The following LRRC4C variants were observed in gnomAD, a reference collection of about 807,000 sequenced individuals.
LRRC4C encodes the protein leucine rich repeat containing 4C.
A neutral mutation model predicts 33.6 loss-of-function variants in LRRC4C; 5 were observed. The observed-to-expected ratio is 0.15, with a 90% CI of 0.08 to 0.31. LRRC4C has a LOEUF of 0.31. Ranked by LOEUF, LRRC4C falls within the 10% of genes least tolerant of loss-of-function variation. The probability of loss-of-function intolerance (pLI) is 1.00; values close to 1 mark genes in which losing one functional copy is unlikely to be tolerated. For missense variants in LRRC4C, 560 were observed against 796.7 expected, an observed-to-expected ratio of 0.70 and a Z score of 3.58; for synonymous variants, 329 against 302.0, an observed-to-expected ratio of 1.09 and a Z score of -0.93.
chr11:40,182,142 A>G (rs994256715), intron 5 of LRRC4C, among the ~76,000 whole-genome samples: 1 of 152,252 alleles, frequency 6.6e-6, no homozygotes. Context: ...AGTAAAAAGT[A>G]TTAATAACAA....
chr11:40,277,649 G>A (rs1436226563), intron 4 of LRRC4C, among the ~76,000 whole-genome samples: 2 of 152,072 alleles, frequency 1.3e-5, no homozygotes, highest in Non-Finnish European at 2.9e-5. Context: ...GCTTGACCAA[G>A]GGTTCAAAGT....
chr11:40,887,382 C>T (rs568348446), intron 2 of LRRC4C, among the ~76,000 whole-genome samples: 7 of 151,994 alleles, frequency 4.6e-5, no homozygotes, highest in South Asian at 2.1e-4. Context: ...TGCACTTCTT[C>T]GTATGCTGAA....
At chr11:40,760,460 C>T (rs1949154343) in intron 2 of LRRC4C, among the ~76,000 whole-genome samples, 1 of 150,640 alleles carries the variant, frequency 6.6e-6, no homozygotes, top group South Asian at 2.1e-4. Context: ...CTAAACTACT[C>T]ATTTATTCCA....
intron 2 of LRRC4C, among the ~76,000 whole-genome samples, chr11:40,708,197 T>A (rs956893530): frequency 1.2e-4 from 19 of 152,176 alleles, no homozygotes; most frequent in Admixed American, 3.3e-4. Context: ...GGGTTTTTTT[T>A]ATGTCTCTAT....
chr11:40,328,316 T>A (rs1214288194), intron 3 of LRRC4C, among the ~76,000 whole-genome samples: 2 of 152,182 alleles, frequency 1.3e-5, no homozygotes, highest in Admixed American at 1.3e-4. Flanking sequence ...CTCTCCGTTT[T>A]TTATTTCAAA....
rs930642455 is a variant in LRRC4C at position 41,181,015 on chromosome 11, G to GA, written c.-495-247293dup. Among the ~76,000 whole-genome samples the GA allele has an allele frequency of 1.8e-4, 27 of 149,598 alleles. 2 individuals are homozygous for GA. In the South Asian group the frequency reaches 4.4e-3, roughly 25 times the overall value. ...TTACCAGTTCTCATCTTTGGGAGAA[G>GA]AAAAAAAAAGAAAAGTTTTAAGAAT... On this transcript the variant is annotated intron_variant, in intron 1 of 6. Coordinates refer to ENST00000528697, the MANE Select transcript of LRRC4C (RefSeq NM_001258419.2).
At chr11:40,786,772 A>G (rs2137330228) in intron 2 of LRRC4C, among the ~76,000 whole-genome samples, 1 of 152,256 alleles carries the variant, frequency 6.6e-6, no homozygotes, top group East Asian at 1.9e-4. Context: ...CACCCCAAAT[A>G]GACACACGAG....
chr11:41,124,288 T>C (rs180763346), intron 1 of LRRC4C, among the ~76,000 whole-genome samples: 2 of 152,212 alleles, frequency 1.3e-5, no homozygotes, highest in Non-Finnish European at 2.9e-5. Context: ...GATATCCACA[T>C]GTCTCGTAAG....
At chr11:40,183,357 T>A (rs1861163677) in intron 5 of LRRC4C, among the ~76,000 whole-genome samples, 2 of 152,170 alleles carry the variant, frequency 1.3e-5, no homozygotes, top group Non-Finnish European at 2.9e-5. Flanking sequence ...AGTCCCTGTT[T>A]GGGGGAAAAA....
At chr11:40,818,810 A>G (rs576868540) in intron 2 of LRRC4C, among the ~76,000 whole-genome samples, 2 of 152,186 alleles carry the variant, frequency 1.3e-5, no homozygotes, top group East Asian at 3.9e-4. Flanking sequence ...AAAAGAGTTT[A>G]ATTTGTATTT....
At chr11:40,366,921 G>A (rs1468139665) in intron 3 of LRRC4C, among the ~76,000 whole-genome samples, 1 of 152,044 alleles carries the variant, frequency 6.6e-6, no homozygotes, top group Non-Finnish European at 1.5e-5. Context: ...AGTGTTAGTT[G>A]TATCATTCCA....
intron 2 of LRRC4C, among the ~76,000 whole-genome samples, chr11:40,808,574 C>A (rs779538204): frequency 7.2e-5 from 11 of 152,112 alleles, no homozygotes; most frequent in Non-Finnish European, 1.5e-4. Context: ...GTCTCCCCTG[C>A]CTTCTCCTCT....
At chr11:41,423,333 A>C (rs779759910) in intron 1 of LRRC4C, among the ~76,000 whole-genome samples, 26 of 152,034 alleles carry the variant, frequency 1.7e-4, no homozygotes, top group Non-Finnish European at 3.7e-4. Context: ...CCTGTACATC[A>C]CGCTAGAAAA....
chr11:40,735,276 G>C (rs1437529264), intron 2 of LRRC4C, among the ~76,000 whole-genome samples: 1 of 151,806 alleles, frequency 6.6e-6, no homozygotes, highest in Non-Finnish European at 1.5e-5. Context: ...TCGTCATTTA[G>C]CATTAGGTAT....
intron 2 of LRRC4C, among the ~76,000 whole-genome samples, chr11:40,649,611 A>G (rs1379515565): frequency 6.6e-6 from 1 of 152,242 alleles, no homozygotes; most frequent in Non-Finnish European, 1.5e-5. Context: ...GGTGACATAC[A>G]TTCTCAGTTT....
chr11:40,427,144 A>G (rs1357743130), intron 3 of LRRC4C, among the ~76,000 whole-genome samples: 1 of 152,176 alleles, frequency 6.6e-6, no homozygotes, highest in Admixed American at 6.5e-5. Flanking sequence ...AGGGTTGGCA[A>G]GGGGCAGAGA....
At chr11:40,283,713 T>C (rs1001035596) in intron 4 of LRRC4C, among the ~76,000 whole-genome samples, 8 of 139,748 alleles carry the variant, frequency 5.7e-5, no homozygotes, top group Non-Finnish European at 1.2e-4. Flanking sequence ...TTTTTTTTTT[T>C]TTTTTTTTGA....
intron 1 of LRRC4C, among the ~76,000 whole-genome samples, chr11:41,244,771 T>C (rs1948385532): frequency 6.6e-6 from 1 of 152,206 alleles, no homozygotes; most frequent in Admixed American, 6.5e-5. Context: ...TGAAATCTAC[T>C]GGGACCACTG....
intron 2 of LRRC4C, among the ~76,000 whole-genome samples, chr11:40,885,133 T>C (rs1395483010): frequency 1.3e-5 from 2 of 152,126 alleles, no homozygotes; most frequent in African/African-American, 4.8e-5. Context: ...ATACAAACTG[T>C]TTGTATTTAG....
Sources: gnomAD v4.1 joint callset for allele counts (sites outside exome capture counted in the v4.1 genomes callset) on GRCh38, gnomAD v4.1.1 for gene constraint, MANE v1.5 for transcripts, NCBI Gene and HGNC (gene_info 2026-07-23, HGNC 2026-07-21) for gene names.